Variants in COL23A1 observed in about 807,000 individuals in gnomAD.
The protein encoded by COL23A1 is collagen alpha-1(XXIII) chain.
In COL23A1, 97 loss-of-function variants were observed where a neutral mutation model predicts 99.3. The observed-to-expected ratio is 0.98, with a 90% CI of 0.83 to 1.16. COL23A1 has a LOEUF of 1.16. Among genes scored for constraint, COL23A1 ranks in the 50% most tolerant of loss-of-function variants. The pLI is 0.00. For missense variants in COL23A1, 762 were observed against 757.4 expected (o/e 1.01, Z -0.07); for synonymous variants, 320 against 308.2 (o/e 1.04, Z -0.40).
At position 178,238,654 on chromosome 5, in the gene COL23A1, A is replaced by C; in HGVS notation, c.*44T>G. Reference sequence around the variant, plus strand: ...ACTGTTTTGTTTTTACAAAAATTAAAAATGTCCACACGGATCTGTACAGGT... The same window carrying C: ...ACTGTTTTGTTTTTACAAAAATTAACAATGTCCACACGGATCTGTACAGGT... On this transcript the variant is annotated 3_prime_UTR_variant, in exon 29 of 29. Transcript: ENST00000390654. The C allele has an allele frequency of 6.2e-7, 1 of 1,611,048 alleles. No homozygotes were observed. The highest frequency in any genetic ancestry group is 8.5e-7 in the Non-Finnish European group (1 of 1,179,116).
chr5:178,544,670 C>T lies in COL23A1; in HGVS notation c.361+16012G>A, dbSNP rs1053284047. Among the ~76,000 whole-genome samples the T allele has an allele frequency of 6.6e-6, 1 of 152,170 alleles. No individual in the cohort carries two copies. Among genetic ancestry groups the T allele is most frequent in the Non-Finnish European group, 1.5e-5 (1 of 68,032 alleles). On this transcript the variant is annotated intron_variant, in intron 2 of 28. Transcript: ENST00000390654. The surrounding 1 kb of genome is among the most constrained non-coding windows in gnomAD (Gnocchi z 4.4). ...GGGCGGTGCCACAAATGGGAGGTGA[C>T]GATCAGGGGCGGTCACCTTCCAGTC...
intron 2 of COL23A1, among the ~76,000 whole-genome samples, chr5:178,416,460 C>T (rs1022484353): frequency 2.0e-5 from 3 of 152,178 alleles, no homozygotes; most frequent in African/African-American, 7.2e-5. Context: ...GCTGGTCTGG[C>T]TGCTGGGAGT....
intron 2 of COL23A1, among the ~76,000 whole-genome samples, chr5:178,508,049 A>T: frequency 6.7e-6 from 1 of 148,284 alleles, no homozygotes; most frequent in African/African-American, 2.5e-5. Context: ...CCTTTGGTCT[A>T]TTTTCTCTCT....
intron 2 of COL23A1, among the ~76,000 whole-genome samples, chr5:178,506,074 C>A (rs183453721): frequency 6.6e-6 from 1 of 152,110 alleles, no homozygotes; most frequent in African/African-American, 2.4e-5. Flanking sequence ...CGGTGAAGCA[C>A]GTGGTAGGCC....
chr5:178,436,389 C>T (rs1200422191), intron 2 of COL23A1, among the ~76,000 whole-genome samples: 1 of 151,250 alleles, frequency 6.6e-6, no homozygotes, highest in African/African-American at 2.4e-5. Flanking sequence ...GGGCAAGAAC[C>T]TCAGGACCCT....
intron 2 of COL23A1, among the ~76,000 whole-genome samples, chr5:178,448,150 T>C (rs113268776): frequency 0.11 from 14,095 of 125,286 alleles, 740 homozygotes; most frequent in African/African-American, 0.21. Context: ...GCAGTCCGTT[T>C]TGTTCTGTTA....
chr5:178,358,020 G>GTGTGTATGCGTA (rs755529157), intron 2 of COL23A1, among the ~76,000 whole-genome samples: 78,266 of 142,700 alleles, frequency 0.55, 22,511 homozygotes, highest in African/African-American at 0.62. Context: ...GTGTGTATGT[G>GTGTGTATGCGTA]TGTGTATGCG....
At chr5:178,547,056 G>A (rs949321164) in intron 2 of COL23A1, among the ~76,000 whole-genome samples, 4 of 152,168 alleles carry the variant, frequency 2.6e-5, no homozygotes, top group Non-Finnish European at 4.4e-5. Context: ...CCCAAACTCT[G>A]CTCAATTCAG....
rs1191445471 is a variant in COL23A1, at chr5:178,366,981, G to A, written c.362-60062C>T. 6.6e-6 allele frequency among the ~76,000 whole-genome samples: 1 copy of A among 152,178 alleles called. No individual in the cohort carries two copies. Among genetic ancestry groups the A allele is most frequent in the Non-Finnish European group, 1.5e-5 (1 of 68,036 alleles). ...CAGGTGTCTCCTACGGACCTGGAAT[G>A]GGGTGGTCATTTGGTGCGTGTTTGT... On this transcript the variant is annotated intron_variant, in intron 2 of 28. Transcript: ENST00000390654. This position sits in a 1 kb window ranked among gnomAD's most constrained non-coding sequence, Gnocchi z 4.4.
chr5:178,359,222 C>T (rs144685231), intron 2 of COL23A1, among the ~76,000 whole-genome samples: 23 of 152,282 alleles, frequency 1.5e-4, no homozygotes, highest in East Asian at 5.8e-4. Context: ...GCTGCCAAGA[C>T]GAAATAAGAT....
intron 2 of COL23A1, among the ~76,000 whole-genome samples, chr5:178,311,398 C>T (rs1246219735): frequency 6.6e-6 from 1 of 152,162 alleles, no homozygotes; most frequent in Non-Finnish European, 1.5e-5. Flanking sequence ...AAAAGGGGTG[C>T]TTCTTTGGGA....
At chr5:178,287,805 G>A (rs904085876) in intron 5 of COL23A1, among the ~76,000 whole-genome samples, 4 of 152,234 alleles carry the variant, frequency 2.6e-5, no homozygotes, top group Non-Finnish European at 5.9e-5. Context: ...GCCACGCTGC[G>A]TCTTGCTGCT....
chr5:178,487,386 C>T lies in COL23A1; in HGVS notation c.361+73296G>A, dbSNP rs13188931. Among the ~76,000 whole-genome samples, 1,381 of 151,654 alleles carry T rather than the reference C, an allele frequency of 9.1e-3. 13 individuals are homozygous for T. The highest frequency in any genetic ancestry group is 0.017 in the South Asian group (81 of 4,798). ...CCAGGCTGGAGTACAGTGGTGTGAT[C>T]GCAGCTCACTGCAACCTCTGCCTCT... On this transcript the variant is annotated intron_variant, in intron 2 of 28. Coordinates refer to ENST00000390654, the MANE Select transcript of COL23A1 (RefSeq NM_173465.4).
At chr5:178,350,182 A>C (rs1281994644) in intron 2 of COL23A1, among the ~76,000 whole-genome samples, 2 of 152,050 alleles carry the variant, frequency 1.3e-5, no homozygotes, top group Non-Finnish European at 2.9e-5. Context: ...CGGGCCGAGC[A>C]CCCATGCCAC....
intron 2 of COL23A1, among the ~76,000 whole-genome samples, chr5:178,539,366 G>A (rs1581594531): frequency 1.3e-5 from 2 of 151,950 alleles, no homozygotes; most frequent in South Asian, 2.1e-4. Flanking sequence ...GGCCAACCTG[G>A]TGAAATCCTG....
intron 2 of COL23A1, among the ~76,000 whole-genome samples, chr5:178,316,770 C>T (rs181322862): frequency 7.2e-4 from 109 of 152,032 alleles, no homozygotes; most frequent in African/African-American, 2.5e-3. Flanking sequence ...AAGCCACATA[C>T]GCTCAAACAA....
At chr5:178,588,586 TTAAG>T (rs1388420500) in intron 1 of COL23A1, among the ~76,000 whole-genome samples, 3 of 152,178 alleles carry the variant, frequency 2.0e-5, no homozygotes, top group African/African-American at 7.2e-5. Context: ...AGAGAGAGTT[TTAAG>T]TCTGCAGGCC....
chr5:178,261,688 C>T, intron 11 of COL23A1, 34 bp downstream of exon 11: 2 of 1,571,086 alleles, frequency 1.3e-6, no homozygotes, highest in South Asian at 2.2e-5. Flanking sequence ...CCCACCAGAT[C>T]TGGGGAGGGG....
At chr5:178,253,844 G>A (rs1581457308) in intron 16 of COL23A1, among the ~76,000 whole-genome samples, 2 of 152,166 alleles carry the variant, frequency 1.3e-5, no homozygotes, top group East Asian at 3.9e-4. Flanking sequence ...CCATCAAACT[G>A]AGTCGGCATC....
Sources: gnomAD v4.1 joint callset for allele counts (sites outside exome capture counted in the v4.1 genomes callset) on GRCh38, gnomAD v4.1.1 for gene constraint, Gnocchi (gnomAD v3.1) non-coding constraint, MANE v1.5 for transcripts, NCBI Gene and HGNC (gene_info 2026-07-23, HGNC 2026-07-21) for gene names.